Variants in EYS observed in about 807,000 individuals in gnomAD.
EYS encodes the protein EGF-like photoreceptor maintenance factor.
Under a neutral mutation model 282.1 loss-of-function variants are expected in EYS, and 250 were observed. The observed-to-expected ratio is 0.89, with a 90% CI of 0.80 to 0.98. The LOEUF is 0.98. Ranked by LOEUF, EYS falls within the 50% of genes least tolerant of loss-of-function variation. The pLI is 0.00. For synonymous variants in EYS, 1,355 were observed against 1,282.9 expected, an observed-to-expected ratio of 1.06 and a Z score of -1.20; for missense variants, 4,016 against 3,709.0, an observed-to-expected ratio of 1.08 and a Z score of -2.15.
chr6:64,960,706 C>T (rs1769882717), intron 14 of EYS, among the ~76,000 whole-genome samples: 1 of 152,018 alleles, frequency 6.6e-6, no homozygotes, highest in Admixed American at 6.6e-5. Flanking sequence ...CATAGATAAA[C>T]TTGTATTATG....
chr6:63,822,076 T>A (rs1327916881), intron 36 of EYS: 2 of 152,270 alleles, frequency 1.3e-5, no homozygotes, highest in African/African-American at 4.8e-5. Context: ...ATTTTCTAGC[T>A]AAATCAGTCC....
intron 12 of EYS, among the ~76,000 whole-genome samples, chr6:65,182,230 A>G (rs571143779): frequency 6.6e-6 from 1 of 151,094 alleles, no homozygotes; most frequent in South Asian, 2.1e-4. Flanking sequence ...ATAATAAAAT[A>G]AAAAAACAAA....
At chr6:64,352,043 G>A (rs542737302) in intron 29 of EYS, among the ~76,000 whole-genome samples, 2 of 151,528 alleles carry the variant, frequency 1.3e-5, no homozygotes, top group South Asian at 4.2e-4. Flanking sequence ...TGCTGTAGCT[G>A]AATACCTCCT....
chr6:63,782,599 G>A (rs757060083), intron 39 of EYS, among the ~76,000 whole-genome samples: 1 of 151,962 alleles, frequency 6.6e-6, no homozygotes, highest in Non-Finnish European at 1.5e-5. Flanking sequence ...TGGTGATATC[G>A]CCTTCATCAT....
At chr6:64,866,149 G>T (rs1766419345) in intron 19 of EYS, among the ~76,000 whole-genome samples, 1 of 151,586 alleles carries the variant, frequency 6.6e-6, no homozygotes, top group Non-Finnish European at 1.5e-5. Context: ...TCCATTCTTT[G>T]CATGTTCATG....
intron 35 of EYS, among the ~76,000 whole-genome samples, chr6:63,878,895 A>G (rs957679061): frequency 1.3e-5 from 2 of 152,082 alleles, no homozygotes; most frequent in African/African-American, 4.8e-5. Flanking sequence ...CTTGGCTAGG[A>G]AAGGGAATTC....
chr6:65,214,696 T>C (rs980859906), intron 12 of EYS, among the ~76,000 whole-genome samples: 1 of 152,170 alleles, frequency 6.6e-6, no homozygotes, highest in African/African-American at 2.4e-5. Flanking sequence ...TCATCTAAGA[T>C]TTTCACAGCT....
intron 33 of EYS, among the ~76,000 whole-genome samples, chr6:64,045,437 A>ATTTTATTTAT (rs1554201573): frequency 5.5e-5 from 6 of 108,184 alleles, no homozygotes; most frequent in African/African-American, 2.8e-4. Context: ...ATTTTATTTT[A>ATTTTATTTAT]TTTATTTTAT....
At chr6:65,290,167 T>C (rs904058808) in intron 12 of EYS, among the ~76,000 whole-genome samples, 1 of 150,952 alleles carries the variant, frequency 6.6e-6, no homozygotes, top group African/African-American at 2.4e-5. Flanking sequence ...TGACTAAGGG[T>C]TAACAAAACA....
At chr6:64,476,217 C>A (rs1234251273) in intron 26 of EYS, among the ~76,000 whole-genome samples, 1 of 152,172 alleles carries the variant, frequency 6.6e-6, no homozygotes, top group East Asian at 1.9e-4. Flanking sequence ...ATGCTGCCCT[C>A]CTGTCCCTGG....
intron 2 of EYS, among the ~76,000 whole-genome samples, chr6:65,609,134 C>A (rs1302064782): frequency 6.6e-6 from 1 of 151,878 alleles, no homozygotes; most frequent in Admixed American, 6.6e-5. Context: ...GTATGACTGG[C>A]AGAGCAGTAG....
At chr6:65,012,348 A>T (rs562060603) in intron 13 of EYS, among the ~76,000 whole-genome samples, 1 of 152,330 alleles carries the variant, frequency 6.6e-6, no homozygotes, top group Non-Finnish European at 1.5e-5. Flanking sequence ...CATAGTAAAA[A>T]TATTTACATG....
At chr6:65,167,417 T>A (rs1024360156) in intron 12 of EYS, among the ~76,000 whole-genome samples, 1 of 151,328 alleles carries the variant, frequency 6.6e-6, no homozygotes, top group Non-Finnish European at 1.5e-5. Flanking sequence ...TTTGTGAGTT[T>A]TCTATAAATG....
intron 22 of EYS, among the ~76,000 whole-genome samples, chr6:64,751,189 G>T (rs183880528): frequency 6.6e-6 from 1 of 152,080 alleles, no homozygotes; most frequent in Admixed American, 6.6e-5. Flanking sequence ...TCCTTGCCTG[G>T]GCAGAGTTTT....
At chr6:64,000,794 T>C (rs1311449716) in intron 33 of EYS, among the ~76,000 whole-genome samples, 1 of 152,160 alleles carries the variant, frequency 6.6e-6, no homozygotes, top group African/African-American at 2.4e-5. Flanking sequence ...CACGGCTGTT[T>C]TGGCTTCCAC....
intron 22 of EYS, among the ~76,000 whole-genome samples, chr6:64,797,806 T>C (rs1424077432): frequency 6.6e-6 from 1 of 151,954 alleles, no homozygotes; most frequent in African/African-American, 2.4e-5. Flanking sequence ...TCCATGTAAA[T>C]CTTAAATAAG....
At chr6:65,267,048 G>T (rs913727619) in intron 12 of EYS, among the ~76,000 whole-genome samples, 5 of 149,210 alleles carry the variant, frequency 3.4e-5, no homozygotes, top group African/African-American at 4.9e-5. Flanking sequence ...CCCTATTTTT[G>T]GTTCACAAGT....
intron 5 of EYS, among the ~76,000 whole-genome samples, chr6:65,426,699 T>C (rs896457437): frequency 9.2e-5 from 14 of 152,140 alleles, no homozygotes; most frequent in African/African-American, 3.1e-4. Context: ...GTGAGACTTT[T>C]CTTTTACTAT....
intron 41 of EYS, among the ~76,000 whole-genome samples, chr6:63,749,750 C>T (rs1339192073): frequency 6.6e-6 from 1 of 152,152 alleles, no homozygotes; most frequent in African/African-American, 2.4e-5. Flanking sequence ...TCACCCATTC[C>T]CCCAGAGTCA....
Sources: gnomAD v4.1 joint callset for allele counts (sites outside exome capture counted in the v4.1 genomes callset) on GRCh38, gnomAD v4.1.1 for gene constraint, MANE v1.5 for transcripts, NCBI Gene and HGNC (gene_info 2026-07-23, HGNC 2026-07-21) for gene names.